PRKCE: variants seen among roughly 807,000 people sequenced by gnomAD.
PRKCE encodes the protein protein kinase C epsilon.
In PRKCE, 16 loss-of-function variants were observed where a neutral mutation model predicts 85.4. That is an observed-to-expected ratio of 0.19 (90% confidence interval 0.13 to 0.28). PRKCE has a LOEUF of 0.28. Ranked by LOEUF, PRKCE falls within the 10% of genes least tolerant of loss-of-function variation. The pLI, the probability that PRKCE is intolerant of heterozygous loss-of-function variation, is 1.00. For synonymous variants in PRKCE, 388 were observed against 371.5 expected (o/e 1.04, Z -0.51); for missense variants, 573 against 975.2 (o/e 0.59, Z 5.49).
intron 1 of PRKCE, among the ~76,000 whole-genome samples, chr2:45,670,607 A>C (rs1318739638): frequency 6.6e-6 from 1 of 152,218 alleles, no homozygotes; most frequent in Non-Finnish European, 1.5e-5. Flanking sequence ...TTTCTCATTC[A>C]ATCTAATTTT....
intron 1 of PRKCE, among the ~76,000 whole-genome samples, chr2:45,737,224 T>TGAGC (rs1048408983): frequency 1.3e-5 from 2 of 152,186 alleles, no homozygotes; most frequent in African/African-American, 4.8e-5. Flanking sequence ...AGGAGGTGGG[T>TGAGC]GAGCGAGCGA....
At chr2:45,858,186 C>T (rs1947195) in intron 2 of PRKCE, among the ~76,000 whole-genome samples, 27,747 of 152,204 alleles carry the variant, frequency 0.18, 2,976 homozygotes, top group African/African-American at 0.28. Context: ...CTGCCTGTAA[C>T]GATGGCCCTT....
chr2:45,941,065 T>TA (rs397781944), intron 2 of PRKCE, among the ~76,000 whole-genome samples: 7,107 of 67,114 alleles, frequency 0.11, 846 homozygotes, highest in African/African-American at 0.26. Flanking sequence ...GACTTCATCC[T>TA]AAAAAAAAAA....
At chr2:46,094,710 A>G (rs901688146) in intron 11 of PRKCE, among the ~76,000 whole-genome samples, 4 of 151,994 alleles carry the variant, frequency 2.6e-5, no homozygotes, top group Non-Finnish European at 4.4e-5. Context: ...AGGTGATGGG[A>G]TGATCTGTAC....
rs372014635 is a variant in PRKCE, at chr2:45,920,154, T to A, written c.413-56275T>A. Among the ~76,000 whole-genome samples the A allele has an allele frequency of 2.6e-5, 4 of 152,340 alleles. No individual in the cohort carries two copies. In the East Asian group the frequency reaches 7.7e-4, roughly 29 times the overall value. On this transcript the variant is annotated intron_variant, in intron 2 of 14. Coordinates refer to ENST00000306156, the MANE Select transcript of PRKCE (RefSeq NM_005400.3). The stretch of plus-strand genomic sequence containing the variant: ...TTCAATGTTTAGGCAGTCTGAATAA[T>A]CTCTCAATCAAACTCCTGTTTGATA...
At position 46,146,936 on chromosome 2, in the gene PRKCE, C is replaced by G. The variant is rs137897918; in HGVS notation, c.1731+1705C>G. 1.4e-3 allele frequency among the ~76,000 whole-genome samples: 210 copies of G among 152,252 alleles called. 2 individuals carry two copies. Among genetic ancestry groups the G allele is most frequent in the Non-Finnish European group, 1.8e-4 (12 of 68,026 alleles). On this transcript the variant is annotated intron_variant, in intron 12 of 14. Coordinates refer to ENST00000306156, the MANE Select transcript of PRKCE (RefSeq NM_005400.3). ...TGATCCTGTAGGATCTGTGGACCCA[C>G]TCAGGGTTTCAGTGGAGGAGAGTCC...
chr2:45,773,167 C>T (rs1685477438), intron 1 of PRKCE, among the ~76,000 whole-genome samples: 3 of 152,190 alleles, frequency 2.0e-5, no homozygotes, highest in Admixed American at 2.0e-4. Context: ...CAAGAAGATC[C>T]ATGTTGGCTC....
chr2:45,900,847 G>A (rs1696524619), intron 2 of PRKCE, among the ~76,000 whole-genome samples: 1 of 152,166 alleles, frequency 6.6e-6, no homozygotes, highest in Non-Finnish European at 1.5e-5. Flanking sequence ...ATGATTTTGG[G>A]ATACAGGATT....
chr2:45,980,164 G>T, intron 4 of PRKCE, 132 bp from the exon 5 acceptor site: 2 of 689,618 alleles, frequency 2.9e-6, no homozygotes, highest in Non-Finnish European at 4.8e-6. Context: ...CTTTAGGGAG[G>T]GTATTAAATT....
chr2:45,811,534 C>T (rs986563688), intron 1 of PRKCE, among the ~76,000 whole-genome samples: 19 of 152,276 alleles, frequency 1.2e-4, no homozygotes, highest in African/African-American at 3.4e-4. Flanking sequence ...ACTCACCCTG[C>T]GTTGTAATTT....
At chr2:45,953,339 G>A (rs1463161) in intron 2 of PRKCE, among the ~76,000 whole-genome samples, 15,456 of 152,252 alleles carry the variant, frequency 0.1, 1,187 homozygotes, top group Admixed American at 0.25. Flanking sequence ...TGTGACATAT[G>A]TCAGAGCCAA....
chr2:46,172,155 C>T (rs886098513), intron 14 of PRKCE, among the ~76,000 whole-genome samples: 5 of 152,202 alleles, frequency 3.3e-5, no homozygotes, highest in Non-Finnish European at 5.9e-5. Context: ...GACTCTGCAG[C>T]GTTCATTCCA....
intron 1 of PRKCE, among the ~76,000 whole-genome samples, chr2:45,659,320 A>T (rs1005372264): frequency 1.3e-5 from 2 of 152,190 alleles, no homozygotes; most frequent in African/African-American, 4.8e-5. Context: ...CAGGTGCCCC[A>T]TATCTTATCC....
rs1676565697 is a variant in PRKCE, at chr2:46,150,966, A to G, written c.1732-75A>G. The G allele has an allele frequency of 2.9e-6, 4 of 1,387,338 alleles. No homozygotes were observed. In the South Asian group the frequency reaches 5.4e-5, roughly 19 times the overall value. 85.9% of individuals were successfully genotyped at this position (1,387,338 alleles called of 1,614,324 possible). Reference sequence around the variant, plus strand: ...GCAAGTTGGAATTGAAGTCCTTCCCATGGGCGTTCGTAGCACGGGTGTCAC... The same window carrying G: ...GCAAGTTGGAATTGAAGTCCTTCCCGTGGGCGTTCGTAGCACGGGTGTCAC... On this transcript the variant is annotated intron_variant, in intron 12 of 14. Coordinates refer to ENST00000306156, the MANE Select transcript of PRKCE (RefSeq NM_005400.3).
intron 14 of PRKCE, among the ~76,000 whole-genome samples, chr2:46,160,397 G>A (rs1220241990): frequency 2.6e-5 from 4 of 152,204 alleles, no homozygotes; most frequent in Non-Finnish European, 5.9e-5. Context: ...GTCTGGGCTC[G>A]ACTCACAAAA....
chr2:45,874,177 A>G (rs1694299977), intron 2 of PRKCE, among the ~76,000 whole-genome samples: 1 of 152,190 alleles, frequency 6.6e-6, no homozygotes, highest in South Asian at 2.1e-4. Flanking sequence ...GACTTACCCC[A>G]AACTTCCATC....
chr2:45,830,844 A>G, intron 1 of PRKCE, among the ~76,000 whole-genome samples: 1 of 152,274 alleles, frequency 6.6e-6, no homozygotes, highest in Non-Finnish European at 1.5e-5. Flanking sequence ...ATATCCAGCT[A>G]AACTATCAAT....
intron 2 of PRKCE, among the ~76,000 whole-genome samples, chr2:45,881,735 G>A (rs1250372933): frequency 6.6e-6 from 1 of 152,154 alleles, no homozygotes; most frequent in East Asian, 1.9e-4. Context: ...CACAATATGA[G>A]GTAGAGCCAA....
At chr2:45,747,093 A>C (rs1683199191) in intron 1 of PRKCE, among the ~76,000 whole-genome samples, 1 of 152,120 alleles carries the variant, frequency 6.6e-6, no homozygotes, top group African/African-American at 2.4e-5. Context: ...ATTTTCTCAG[A>C]GATTATAACC....
Sources: allele counts gnomAD v4.1 joint callset (sites outside exome capture counted in the v4.1 genomes callset), GRCh38; gene constraint gnomAD v4.1.1; transcripts MANE v1.5; gene names NCBI Gene and HGNC (gene_info 2026-07-23, HGNC 2026-07-21).